OR6K3: variants seen among roughly 807,000 people sequenced by gnomAD.
OR6K3 encodes the protein olfactory receptor family 6 subfamily K member 3.
For missense variants in OR6K3, 396 were observed against 382.5 expected, an observed-to-expected ratio of 1.04 and a Z score of -0.29; for synonymous variants, 169 against 137.7, an observed-to-expected ratio of 1.23 and a Z score of -1.59.
rs773745102 is a variant in OR6K3, at chr1:158,717,988, A to AAG, written c.126_127dup (p.Leu43SerfsTer3). 3.7e-6 allele frequency: 6 copies of AAG among 1,612,620 alleles called. No homozygotes were observed. Among genetic ancestry groups the AAG allele is most frequent in the Non-Finnish European group, 5.1e-6 (6 of 1,178,948 alleles). On this transcript the variant is annotated frameshift_variant, in exon 2 of 2. Coordinates refer to ENST00000368145, the MANE Select transcript of OR6K3 (RefSeq NM_001005327.3). LOFTEE classifies it low-confidence loss of function (END_TRUNC). ...CAGCCTTACAGCAGAGAAGATTAAT[A>AAG]AGTTATCAATGATAATAAAAGTATA...
At chr1:158,718,689 T>C (rs915777158) in intron 1 of OR6K3, among the ~76,000 whole-genome samples, 1 of 152,030 alleles carries the variant, frequency 6.6e-6, no homozygotes, top group African/African-American at 2.4e-5. Flanking sequence ...ATTGTGCACA[T>C]GCTCTTTGAA....
At position 158,716,443 on chromosome 1, in the gene OR6K3, T is replaced by G. The variant is rs980708361; in HGVS notation, c.*725A>C. ...TGTTGTTTGGGCTTTTTCTTAGATC[T>G]CTATTTCTGGAAAACCCCAATGAGG... On this transcript the variant is annotated 3_prime_UTR_variant, in exon 2 of 2. Transcript: ENST00000368145. The G allele has an allele frequency of 6.6e-6, 1 of 152,098 alleles. No homozygotes were observed. Among genetic ancestry groups the G allele is most frequent in the Non-Finnish European group, 1.5e-5 (1 of 67,986 alleles). The allele number at this position is 152,098 out of a possible 1,614,324, so 9.4% of individuals were successfully genotyped here.
intron 1 of OR6K3, among the ~76,000 whole-genome samples, chr1:158,719,491 C>A (rs755279670): frequency 6.6e-6 from 1 of 152,046 alleles, no homozygotes; most frequent in Non-Finnish European, 1.5e-5. Flanking sequence ...CTCTCCCCTG[C>A]AATCCCATTG....
chr1:158,716,472 T>C lies in OR6K3; in HGVS notation c.*696A>G, dbSNP rs1335793467. The stretch of plus-strand genomic sequence containing the variant: ...TTTCTGGAAAACCCCAATGAGGTAA[T>C]CCATGACTCATAATTAAACAAAAAA... On this transcript the variant is annotated 3_prime_UTR_variant, in exon 2 of 2. Coordinates refer to ENST00000368145, the MANE Select transcript of OR6K3 (RefSeq NM_001005327.3). The C allele has an allele frequency of 1.3e-5, 2 of 152,066 alleles. No individual in the cohort carries two copies. Among genetic ancestry groups the C allele is most frequent in the South Asian group, 2.1e-4 (1 of 4,834 alleles). The allele number at this position is 152,066 out of a possible 1,614,324, so 9.4% of individuals were successfully genotyped here. A position where few individuals can be genotyped will look rare whatever the true frequency, so the allele number is the denominator to read the frequency against.
chr1:158,722,422 C>A (rs1333041170), upstream of OR6K3, among the ~76,000 whole-genome samples: 4 of 151,914 alleles, frequency 2.6e-5, no homozygotes, highest in East Asian at 7.7e-4. Context: ...TTAAGATTTA[C>A]TTTTCATGTC....
Position 158,717,662 on chromosome 1 carries a change from C to T in OR6K3, c.454G>A (p.Gly152Ser), listed in dbSNP as rs368587836. ...ATCTCGGGAAGCAGGATAAGGAAAC[C>T]GAAGAGGCAGGAACCTGCAGAGAGT... is the stretch of plus-strand genomic sequence containing the variant. ...AQLSAGSCLF[G>S]FLILLPEIVM... Residue 152 changes from glycine to serine, a missense_variant, in exon 2 of 2, where the codon GGT (glycine) becomes AGT (serine). Physicochemically the swap from Gly to Ser is moderately conservative, Grantham distance 56. Transcript: ENST00000368145. The T allele has an allele frequency of 4.6e-5, 74 of 1,613,526 alleles. No homozygotes were observed. The highest frequency in any genetic ancestry group is 1.1e-4 in the East Asian group (5 of 44,848).
Position 158,718,091 on chromosome 1 carries a change from C to T in OR6K3, c.25G>A (p.Val9Met), listed in dbSNP as rs1656210962. The T allele has an allele frequency of 6.2e-7, 1 of 1,612,132 alleles. No individual in the cohort carries two copies. The highest frequency in any genetic ancestry group is 8.5e-7 in the Non-Finnish European group (1 of 1,179,000). ...AATCCAGTGAAGATAAATTCAGTCA[C>T]TGTTGATTGGTTTCCGCTCTCCATA... The part of the protein sequence containing the change: MESGNQST[V>M]TEFIFTGFPQ... The change falls in exon 2 of 2, where the codon GTG (valine) becomes ATG (methionine). Residue 9 changes from valine to methionine, a missense_variant. Physicochemically the swap from Val to Met is conservative, Grantham distance 21. Transcript: ENST00000368145.
At chr1:158,719,166 C>A (rs1187430223) in intron 1 of OR6K3, among the ~76,000 whole-genome samples, 3 of 149,834 alleles carry the variant, frequency 2.0e-5, no homozygotes, top group Non-Finnish European at 4.4e-5. Context: ...AAAGGCAGTT[C>A]TAGCTTTGAC....
At chr1:158,724,835 C>A (rs1171421683), upstream of OR6K3, 1 of 218,652 alleles carries the variant, frequency 4.6e-6, no homozygotes, top group African/African-American at 2.3e-5. Flanking sequence ...GGAATTGTGG[C>A]AGTTGTGTAC....
chr1:158,717,694 C>A lies in OR6K3; in HGVS notation c.422G>T (p.Cys141Phe), dbSNP rs763370672. ...RYQMIMTPRL[C>F]AQLSAGSCLF... The stretch of plus-strand genomic sequence containing the variant: ...GCAGGAACCTGCAGAGAGTTGAGCA[C>A]AGAGCCGGGGGGTCATGATCATTTG... The change falls in exon 2 of 2, where the codon TGT becomes TTT. Residue 141 changes from cysteine (C) to phenylalanine (F), a missense_variant. Cys to Phe is a radical substitution (Grantham distance 205). Transcript: ENST00000368145. 1 of 1,613,824 alleles carries A rather than the reference C, an allele frequency of 6.2e-7. No homozygotes were observed. Among genetic ancestry groups the A allele is most frequent in the Non-Finnish European group, 8.5e-7 (1 of 1,179,856 alleles).
chr1:158,721,499 C>A (rs1473001879), upstream of OR6K3, among the ~76,000 whole-genome samples: 2 of 151,726 alleles, frequency 1.3e-5, no homozygotes, highest in Non-Finnish European at 2.9e-5. Flanking sequence ...TTTTGTCTAA[C>A]TTTTCTTCTT....
Position 158,717,495 on chromosome 1 carries a change from G to T in OR6K3, c.621C>A (p.Ile207=). 1 of 1,613,776 alleles carries T rather than the reference G, an allele frequency of 6.2e-7. No individual in the cohort carries two copies. ...ACAGGGCAATGATTAGGAAGGTAAT[G>T]ATGATGGTCACAGCATGAATCACAT... is the stretch of plus-strand genomic sequence containing the variant. The part of the protein sequence containing the change: ...IEDVIHAVTI[I]ITFLIIALSY... Residue 207 remains isoleucine (I), a synonymous_variant, in exon 2 of 2, where the codon ATC becomes ATA. Transcript: ENST00000368145.
chr1:158,718,213 G>C (rs1656213774), intron 1 of OR6K3, 81 bp from the exon 2 acceptor site: 1 of 745,418 alleles, frequency 1.3e-6, no homozygotes, highest in East Asian at 2.5e-5. Flanking sequence ...ACATCTTTGA[G>C]AAGTAAGAAG....
rs1274157061 is a variant in OR6K3 at position 158,717,427 on chromosome 1, GA to G, written c.688del (p.Ser230LeufsTer46). 6.2e-7 allele frequency: 1 copy of G among 1,613,640 alleles called. No homozygotes were observed. The highest frequency in any genetic ancestry group is 1.3e-5 in the African/African-American group (1 of 74,898). ...IVTVILRIPS[S>X]EGRQKAFSTC... ...AGAAAAAGCCTTTTGCCTCCCTTCA[GA>G]AGAGGGAATCCTCAATATCACAGTG... is the stretch of plus-strand genomic sequence containing the variant. On this transcript the variant is annotated frameshift_variant, in exon 2 of 2. Coordinates refer to ENST00000368145, the MANE Select transcript of OR6K3 (RefSeq NM_001005327.3). LOFTEE classifies it low-confidence loss of function (END_TRUNC).
chr1:158,717,629 T>G lies in OR6K3; in HGVS notation c.487A>C (p.Ile163Leu). 6.2e-7 allele frequency: 1 copy of G among 1,613,704 alleles called. No homozygotes were observed. Among genetic ancestry groups the G allele is most frequent in the Non-Finnish European group, 8.5e-7 (1 of 1,179,822 alleles). ...GGCCCACAGAAAGGCAGTGTGGAAA[T>G]CATCACAATCTCGGGAAGCAGGATA... ...FLILLPEIVM[I>L]STLPFCGPNQ... Residue 163 changes from isoleucine to leucine, a missense_variant, in exon 2 of 2, where the codon ATT (isoleucine) becomes CTT (leucine). Coordinates refer to ENST00000368145, the MANE Select transcript of OR6K3 (RefSeq NM_001005327.3).
In OR6K3 at chr1:158,717,652, A is replaced by G. The variant is rs781048468; in HGVS notation, c.464T>C (p.Ile155Thr). 1.9e-6 allele frequency: 3 copies of G among 1,613,872 alleles called. No individual in the cohort carries two copies. Among genetic ancestry groups the G allele is most frequent in the Non-Finnish European group, 2.5e-6 (3 of 1,179,864 alleles). ...AATCATCACAATCTCGGGAAGCAGG[A>G]TAAGGAAACCGAAGAGGCAGGAACC... is the stretch of plus-strand genomic sequence containing the variant. ...SAGSCLFGFL[I>T]LLPEIVMIST... The change falls in exon 2 of 2, where the codon ATC (isoleucine) becomes ACC (threonine). Residue 155 changes from isoleucine (I) to threonine (T), a missense_variant. Transcript: ENST00000368145.
intron 1 of OR6K3, among the ~76,000 whole-genome samples, chr1:158,718,585 T>C (rs1311627281): frequency 6.6e-6 from 1 of 151,884 alleles, no homozygotes; most frequent in Non-Finnish European, 1.5e-5. Context: ...ATTATATATC[T>C]GTATCTCATA....
chr1:158,717,450 A>T lies in OR6K3; in HGVS notation c.666T>A (p.Thr222=), dbSNP rs774610899. 1.9e-6 allele frequency: 3 copies of T among 1,613,756 alleles called. No homozygotes were observed. The highest frequency in any genetic ancestry group is 2.5e-6 in the Non-Finnish European group (3 of 1,179,774). Residue 222 remains threonine (T), a synonymous_variant, in exon 2 of 2, where the codon ACT becomes ACA. Transcript: ENST00000368145. ...CAGAAGAGGGAATCCTCAATATCAC[A>T]GTGACAATTCTTACATAGGACAGGG... ...IIALSYVRIV[T]VILRIPSSEG...
chr1:158,719,094 G>C (rs925331846), intron 1 of OR6K3, among the ~76,000 whole-genome samples: 2 of 152,000 alleles, frequency 1.3e-5, no homozygotes, highest in Non-Finnish European at 2.9e-5. Flanking sequence ...ACTCCTGCTT[G>C]AGACTTTGTT....
Sources: allele counts gnomAD v4.1 joint callset (sites outside exome capture counted in the v4.1 genomes callset), GRCh38; gene constraint gnomAD v4.1.1; transcripts MANE v1.5; gene names NCBI Gene and HGNC (gene_info 2026-07-23, HGNC 2026-07-21).